The following ABCC1 variants were observed in gnomAD, a reference collection of about 807,000 sequenced individuals.
The protein encoded by ABCC1 is multidrug resistance-associated protein 1.
In ABCC1, 83 loss-of-function variants were observed where a neutral mutation model predicts 172.9. That is an observed-to-expected ratio of 0.48 (90% CI 0.40 to 0.58). ABCC1 has a LOEUF of 0.58. Ranked by LOEUF, ABCC1 falls within the 20% of genes least tolerant of loss-of-function variation. ABCC1 has a pLI of 0.00. For missense variants in ABCC1, 1,817 were observed against 2,002.7 expected, an observed-to-expected ratio of 0.91 and a Z score of 1.77; for synonymous variants, 937 against 825.2, an observed-to-expected ratio of 1.14 and a Z score of -2.32.
rs117153540 is a variant in ABCC1, at chr16:16,001,809, A to T, written c.49-6007A>T. ...ACCTTATCAGCTGGAGTATGAATTG[A>T]TGTTCCCTATTTGGAGGGCAGTGTC... On this transcript the variant is annotated intron_variant, in intron 1 of 30. Coordinates refer to ENST00000399410, the MANE Select transcript of ABCC1 (RefSeq NM_004996.4). Among the ~76,000 whole-genome samples the T allele has an allele frequency of 2.0e-4, 31 of 152,286 alleles. No homozygotes were observed. In the East Asian group the frequency reaches 5.0e-3, roughly 25 times the overall value.
intron 12 of ABCC1, among the ~76,000 whole-genome samples, chr16:16,062,515 G>T (rs989947877): frequency 6.6e-6 from 1 of 152,062 alleles, no homozygotes; most frequent in Non-Finnish European, 1.5e-5. Flanking sequence ...CCCGGCTACC[G>T]GCTTTACTTA....
At chr16:16,099,582 G>A (rs1422036037) in intron 19 of ABCC1, among the ~76,000 whole-genome samples, 2 of 152,220 alleles carry the variant, frequency 1.3e-5, no homozygotes, top group Non-Finnish European at 2.9e-5. Context: ...CTCAGGAAAT[G>A]GGAACTCTGG....
At chr16:16,121,190 TG>T (rs2045140491) in intron 23 of ABCC1, among the ~76,000 whole-genome samples, 1 of 152,156 alleles carries the variant, frequency 6.6e-6, no homozygotes, top group Non-Finnish European at 1.5e-5. Context: ...AGCTTTGTTT[TG>T]TTTCGTTTGT....
At chr16:16,136,767 C>T in intron 29 of ABCC1, 123 bp downstream of exon 29, 3 of 1,159,420 alleles carry the variant, frequency 2.6e-6, no homozygotes, top group Non-Finnish European at 3.6e-6. Flanking sequence ...ACCATTTGTC[C>T]CTTCACCTCT....
chr16:16,073,930 G>A (rs1435635708), intron 14 of ABCC1, among the ~76,000 whole-genome samples: 1 of 152,158 alleles, frequency 6.6e-6, no homozygotes, highest in Non-Finnish European at 1.5e-5. Flanking sequence ...CTGGCACCTC[G>A]CAGGCGCTCA....
intron 26 of ABCC1, among the ~76,000 whole-genome samples, chr16:16,126,382 T>A (rs141955155): frequency 6.6e-6 from 1 of 152,290 alleles, no homozygotes; most frequent in East Asian, 1.9e-4. Context: ...TTATTTGTTA[T>A]GAATTTGGTT....
At chr16:16,033,019 C>T (rs2048609967) in intron 5 of ABCC1, 90 bp from the exon 6 acceptor site, 2 of 1,262,058 alleles carry the variant, frequency 1.6e-6, no homozygotes, top group South Asian at 2.4e-5. Flanking sequence ...GAAGAGTGAG[C>T]AGCTGACTAC....
At chr16:16,041,710 G>A (rs1047310879) in intron 7 of ABCC1, among the ~76,000 whole-genome samples, 3 of 152,126 alleles carry the variant, frequency 2.0e-5, no homozygotes, top group South Asian at 2.1e-4. Context: ...TCCTAGGCTC[G>A]GGGATCAGGT....
intron 17 of ABCC1, 66 bp from the exon 18 acceptor site, chr16:16,086,758 T>G (rs1181883644): frequency 1.3e-6 from 2 of 1,573,160 alleles, no homozygotes; most frequent in Non-Finnish European, 1.7e-6. Context: ...ACACTCGGCC[T>G]GCTTCTACGT....
At chr16:16,028,866 C>G (rs938208576) in intron 5 of ABCC1, among the ~76,000 whole-genome samples, 1 of 152,086 alleles carries the variant, frequency 6.6e-6, no homozygotes, top group African/African-American at 2.4e-5. Flanking sequence ...GATTAGAACC[C>G]AGGTCTGTCC....
chr16:16,068,604 C>T (rs1201351451), intron 13 of ABCC1, among the ~76,000 whole-genome samples: 2 of 152,158 alleles, frequency 1.3e-5, no homozygotes. Context: ...TCCGCCATTC[C>T]TATCCTTTTT....
chr16:16,015,086 C>T (rs1282138180), intron 4 of ABCC1, among the ~76,000 whole-genome samples: 1 of 150,480 alleles, frequency 6.6e-6, no homozygotes, highest in Non-Finnish European at 1.5e-5. Context: ...AAGTTGTTTA[C>T]ATTGGCTGCT....
At chr16:16,066,908 A>G (rs1885786424) in intron 12 of ABCC1, among the ~76,000 whole-genome samples, 1 of 151,954 alleles carries the variant, frequency 6.6e-6, no homozygotes, top group Non-Finnish European at 1.5e-5. Context: ...GTCTCAAAAA[A>G]AAAAAAAGTA....
intron 14 of ABCC1, 109 bp from the exon 15 acceptor site, chr16:16,076,216 AT>A: frequency 7.5e-6 from 8 of 1,061,948 alleles, no homozygotes; most frequent in Non-Finnish European, 1.1e-5. Context: ...GCCTAGCGCC[AT>A]TCGTGCCAAG....
intron 23 of ABCC1, among the ~76,000 whole-genome samples, chr16:16,120,302 C>T (rs1450954686): frequency 6.6e-6 from 1 of 152,346 alleles, no homozygotes; most frequent in East Asian, 1.9e-4. Flanking sequence ...GAATCAGGAA[C>T]CCCGGGCTCA....
At chr16:15,997,805 C>CTTTTTTTTTTTTTTTTTT (rs34346901) in intron 1 of ABCC1, among the ~76,000 whole-genome samples, 1 of 116,822 alleles carries the variant, frequency 8.6e-6, no homozygotes, top group Non-Finnish European at 1.8e-5. Context: ...GCCTCGATAC[C>CTTTTTTTTTTTTTTTTTT]TTTTTTTTTT....
chr16:15,969,663 G>T (rs2046324231), intron 1 of ABCC1, among the ~76,000 whole-genome samples: 1 of 151,974 alleles, frequency 6.6e-6, no homozygotes, highest in African/African-American at 2.4e-5. Context: ...TTGAGCCACT[G>T]CTCCCAGCCC....
At chr16:16,030,430 C>T (rs1046314685) in intron 5 of ABCC1, among the ~76,000 whole-genome samples, 2 of 152,048 alleles carry the variant, frequency 1.3e-5, no homozygotes, top group East Asian at 1.9e-4. Flanking sequence ...GAGGCCGAGG[C>T]GGGAGGATCA....
chr16:16,016,491 T>C lies in ABCC1; in HGVS notation c.490-5T>C. ...CTTTTTCTTCCTTCCTTCCCCACCA[T>C]GTAGGATGCCCAGGTGGACCTGTTT... is the stretch of plus-strand genomic sequence containing the variant. On this transcript the variant is annotated splice_polypyrimidine_tract_variant and splice_region_variant and intron_variant, in intron 4 of 30. Coordinates refer to ENST00000399410, the MANE Select transcript of ABCC1 (RefSeq NM_004996.4). 1 of 1,613,976 alleles carries C rather than the reference T, an allele frequency of 6.2e-7. No individual in the cohort carries two copies. The highest frequency in any genetic ancestry group is 8.5e-7 in the Non-Finnish European group (1 of 1,179,966).
Sources: allele counts gnomAD v4.1 joint callset (sites outside exome capture counted in the v4.1 genomes callset), GRCh38; gene constraint gnomAD v4.1.1; transcripts MANE v1.5; gene names NCBI Gene and HGNC (gene_info 2026-07-23, HGNC 2026-07-21).